Variants in ATAD2B observed in about 807,000 individuals in gnomAD.
The protein encoded by ATAD2B is ATPase family AAA domain containing 2B, also known as ATPase family AAA domain-containing protein 2B.
Under a neutral mutation model 167.6 loss-of-function variants are expected in ATAD2B, and 40 were observed. That is an observed-to-expected ratio of 0.24 (90% CI 0.19 to 0.31). The LOEUF (loss-of-function observed/expected upper bound fraction) is 0.31. Ranked by LOEUF, ATAD2B falls within the 10% of genes least tolerant of loss-of-function variation. The probability of loss-of-function intolerance (pLI) is 1.00; values close to 1 mark genes in which losing one functional copy is unlikely to be tolerated. For synonymous variants in ATAD2B, 579 were observed against 596.5 expected (o/e 0.97, Z 0.43); for missense variants, 1,242 against 1,757.2 (o/e 0.71, Z 5.24).
At position 23,774,537 on chromosome 2, in the gene ATAD2B, A is replaced by G. The variant is rs1678794757; in HGVS notation, c.3133+8332T>C. Reference sequence around the variant, plus strand: ...TTATATATTATTAGTATTTATGCATATTTCTACAGAATGTTACCATGTCTC... The same window carrying G: ...TTATATATTATTAGTATTTATGCATGTTTCTACAGAATGTTACCATGTCTC... On this transcript the variant is annotated intron_variant, in intron 22 of 27. Coordinates refer to ENST00000238789, the MANE Select transcript of ATAD2B (RefSeq NM_017552.4). 5.3e-5 allele frequency among the ~76,000 whole-genome samples: 8 copies of G among 152,324 alleles called. No homozygotes were observed. In the South Asian group the frequency reaches 1.7e-3, roughly 32 times the overall value.
At chr2:23,732,106 G>A in the ATAD2B span, among the ~76,000 whole-genome samples, 1 of 152,120 alleles carries the variant, frequency 6.6e-6, no homozygotes, top group Non-Finnish European at 1.5e-5. Flanking sequence ...GTGCTCAATA[G>A]CTACCATATT....
intron 18 of ATAD2B, among the ~76,000 whole-genome samples, chr2:23,807,457 G>A (rs1008226033): frequency 2.0e-5 from 3 of 152,128 alleles, no homozygotes; most frequent in Non-Finnish European, 2.9e-5. Context: ...TTCGCTTTTG[G>A]TTTACAACAT....
At chr2:23,883,429 C>G (rs1468680163) in intron 6 of ATAD2B, among the ~76,000 whole-genome samples, 1 of 151,884 alleles carries the variant, frequency 6.6e-6, no homozygotes, top group African/African-American at 2.4e-5. Context: ...ATACTTGTAC[C>G]TAAATAAGTT....
At chr2:23,708,009 G>A in the ATAD2B span, 3 of 152,188 alleles carry the variant, frequency 2.0e-5, no homozygotes, top group East Asian at 1.9e-4. Flanking sequence ...CCGCCACTGC[G>A]CTGTTGAGTT....
intron 16 of ATAD2B, among the ~76,000 whole-genome samples, chr2:23,821,877 C>A (rs1303301699): frequency 6.6e-6 from 1 of 152,098 alleles, no homozygotes; most frequent in Non-Finnish European, 1.5e-5. Context: ...TGGTCTTGAA[C>A]TCCTGACCTC....
intron 13 of ATAD2B, among the ~76,000 whole-genome samples, chr2:23,840,269 A>G (rs1316609086): frequency 6.6e-6 from 1 of 152,130 alleles, no homozygotes; most frequent in African/African-American, 2.4e-5. Context: ...TTAGGCCTTT[A>G]TGCTCTTAAC....
At chr2:23,742,744 A>C in the ATAD2B span, among the ~76,000 whole-genome samples, 1 of 152,178 alleles carries the variant, frequency 6.6e-6, no homozygotes, top group Non-Finnish European at 1.5e-5. Flanking sequence ...AATAAAAAAA[A>C]AATCAAGAGA....
At chr2:23,799,390 T>G (rs1367873946) in intron 18 of ATAD2B, among the ~76,000 whole-genome samples, 1 of 151,736 alleles carries the variant, frequency 6.6e-6, no homozygotes, top group Non-Finnish European at 1.5e-5. Flanking sequence ...CTGTCCAACA[T>G]GGTGAAATTC....
intron 18 of ATAD2B, among the ~76,000 whole-genome samples, chr2:23,807,844 T>A (rs867867569): frequency 2.7e-3 from 352 of 131,138 alleles, no homozygotes; most frequent in East Asian, 5.5e-3. Context: ...TATATATATA[T>A]AATAAAATAT....
chr2:23,817,368 T>C (rs1436009653), intron 17 of ATAD2B, among the ~76,000 whole-genome samples: 1 of 152,210 alleles, frequency 6.6e-6, no homozygotes, highest in East Asian at 1.9e-4. Context: ...GGGGCCTATA[T>C]ATATTACTGA....
chr2:23,868,672 A>C (rs1695497423), intron 9 of ATAD2B, among the ~76,000 whole-genome samples: 1 of 152,226 alleles, frequency 6.6e-6, no homozygotes, highest in South Asian at 2.1e-4. Flanking sequence ...TCAAAAAAAA[A>C]CCAGAGATCA....
chr2:23,887,286 TC>T (rs1161415574), intron 4 of ATAD2B, among the ~76,000 whole-genome samples: 1 of 152,090 alleles, frequency 6.6e-6, no homozygotes, highest in Non-Finnish European at 1.5e-5. Flanking sequence ...GGTCTTGAAC[TC>T]CCGGGCACAG....
the ATAD2B span, among the ~76,000 whole-genome samples, chr2:23,694,970 A>T: frequency 6.6e-6 from 1 of 152,168 alleles, no homozygotes. Flanking sequence ...GATGAGCGTC[A>T]TGCCTGGCCT....
the ATAD2B span, chr2:23,706,813 G>A: frequency 1.0e-4 from 58 of 574,360 alleles, no homozygotes; most frequent in Non-Finnish European, 1.4e-4. Flanking sequence ...TCTCTACATT[G>A]AATGTAGAAA....
the ATAD2B span, among the ~76,000 whole-genome samples, chr2:23,704,275 C>T: frequency 1.1e-4 from 16 of 152,214 alleles, no homozygotes; most frequent in South Asian, 2.1e-3. Context: ...ATGAACGATC[C>T]TGATGGCTTT....
At chr2:23,859,423 C>T (rs937942406) in intron 12 of ATAD2B, among the ~76,000 whole-genome samples, 1 of 152,120 alleles carries the variant, frequency 6.6e-6, no homozygotes, top group Non-Finnish European at 1.5e-5. Context: ...ATTCTCCCGC[C>T]TCAGCCACCT....
At chr2:23,723,703 T>C in the ATAD2B span, among the ~76,000 whole-genome samples, 3 of 152,142 alleles carry the variant, frequency 2.0e-5, no homozygotes, top group African/African-American at 7.2e-5. Context: ...GAGAACAGTA[T>C]GGAGGGTCTT....
At chr2:23,739,707 T>G in the ATAD2B span, among the ~76,000 whole-genome samples, 13 of 152,164 alleles carry the variant, frequency 8.5e-5, no homozygotes, top group African/African-American at 1.4e-4. Context: ...GATCAGAGCA[T>G]AACTGAAGGA....
At chr2:23,733,242 C>T in the ATAD2B span, among the ~76,000 whole-genome samples, 1 of 152,182 alleles carries the variant, frequency 6.6e-6, no homozygotes, top group African/African-American at 2.4e-5. Context: ...CACCCAATTG[C>T]CACATCTCCT....
Sources: gnomAD v4.1 joint callset for allele counts (sites outside exome capture counted in the v4.1 genomes callset) on GRCh38, gnomAD v4.1.1 for gene constraint, MANE v1.5 for transcripts, NCBI Gene and HGNC (gene_info 2026-07-23, HGNC 2026-07-21) for gene names.